Variants in TAT observed in about 807,000 individuals in gnomAD.
TAT encodes the protein tyrosine aminotransferase.
In TAT, 35 loss-of-function variants were observed where a neutral mutation model predicts 53.6. The ratio of observed to expected loss-of-function variants is 0.65; its 90% CI spans 0.50 to 0.87. The LOEUF is 0.87. TAT is among the 40% of genes least tolerant of loss of function. The pLI, the probability that TAT is intolerant of heterozygous loss-of-function variation, is 0.00. For synonymous variants in TAT, 197 were observed against 206.5 expected (o/e 0.95, Z 0.39); for missense variants, 525 against 571.8 (o/e 0.92, Z 0.83).
At chr16:71,570,955 C>A in intron 7 of TAT, 124 bp from the exon 8 acceptor site, 1 of 1,218,252 alleles carries the variant, frequency 8.2e-7, no homozygotes, top group Non-Finnish European at 1.2e-6. Flanking sequence ...GGGATCATCC[C>A]TACCCTGAAG....
At position 71,572,311 on chromosome 16, in the gene TAT, C is replaced by G; in HGVS notation, c.581G>C (p.Trp194Ser). 6.2e-7 allele frequency: 1 copy of G among 1,614,122 alleles called. No homozygotes were observed. The highest frequency in any genetic ancestry group is 8.5e-7 in the Non-Finnish European group (1 of 1,180,026). ...KLYNLLPEKS[W>S]EIDLKQLEYL... ...TTCCAGTTGTTTCAGGTCAATTTCC[C>G]AAGATTTCTCTGGCTGGAGAGAAAG... is the stretch of plus-strand genomic sequence containing the variant. Residue 194 changes from tryptophan (W) to serine (S), a missense_variant, in exon 6 of 12, where the codon TGG (tryptophan) becomes TCG (serine). Coordinates refer to ENST00000355962, the MANE Select transcript of TAT (RefSeq NM_000353.3).
At chr16:71,575,248 C>T (rs1266635604) in intron 3 of TAT, 3 of 152,542 alleles carry the variant, frequency 2.0e-5, no homozygotes, top group African/African-American at 7.3e-5. Context: ...TCTATGTACA[C>T]ATAAGGAAAA....
intron 4 of TAT, 137 bp downstream of exon 4, chr16:71,573,402 A>T: frequency 2.6e-6 from 2 of 778,652 alleles, no homozygotes; most frequent in Non-Finnish European, 4.5e-6. Context: ...CTATATGAGA[A>T]GTCTTCTAAT....
chr16:71,576,382 C>T lies in TAT; in HGVS notation c.34G>A (p.Gly12Ser). The T allele has an allele frequency of 6.2e-7, 1 of 1,614,174 alleles. No individual in the cohort carries two copies. Residue 12 changes from glycine to serine, a missense_variant, in exon 2 of 12, where the codon GGC becomes AGC. Transcript: ENST00000355962. The part of the protein sequence containing the change: ...DPYMIQMSSK[G>S]NLPSILDVHV... ...ACGTCCAGAATTGAGGGGAGGTTGC[C>T]TTTGCTGCTCATCTGAATCATGTAT...
Position 71,570,721 on chromosome 16 carries a change from G to A in TAT, c.870C>T (p.Gly290=). The change falls in exon 8 of 12, where the codon GGC becomes GGT. Residue 290 remains glycine, a synonymous_variant. Transcript: ENST00000355962. ...KRWLVPGWRL[G]WILIHDRRDI... ...CTCTTCGGTCATGAATGAGGATCCAGCCCAACCTCCAGCCAGGAACCAGCC... is the reference window on the plus strand; with the variant it reads ...CTCTTCGGTCATGAATGAGGATCCAACCCAACCTCCAGCCAGGAACCAGCC... The A allele has an allele frequency of 1.2e-6, 2 of 1,614,152 alleles. No individual in the cohort carries two copies. Among genetic ancestry groups the A allele is most frequent in the South Asian group, 2.2e-5 (2 of 91,082 alleles).
At chr16:71,569,488 C>T (rs2044185854) in intron 10 of TAT, among the ~76,000 whole-genome samples, 1 of 152,148 alleles carries the variant, frequency 6.6e-6, no homozygotes. Context: ...AGGAGTGTGC[C>T]ACCACGCCCA....
At chr16:71,569,738 A>T in intron 10 of TAT, 116 bp downstream of exon 10, 2 of 948,740 alleles carry the variant, frequency 2.1e-6, no homozygotes, top group Non-Finnish European at 3.3e-6. Context: ...TGCTTGGCTT[A>T]GGAGGCCAGC....
At chr16:71,568,929 A>C (rs1597052528) in intron 10 of TAT, 120 bp from the exon 11 acceptor site, 1 of 733,948 alleles carries the variant, frequency 1.4e-6, no homozygotes, top group South Asian at 1.5e-5. Context: ...GCTACTGATC[A>C]CTGATAAATA....
rs989647978 is a variant in TAT at position 71,566,255 on chromosome 16, T to G, written c.*1889A>C. The G allele has an allele frequency of 3.9e-5, 6 of 152,190 alleles. No individual in the cohort carries two copies. The highest frequency in any genetic ancestry group is 3.9e-4 in the Admixed American group (6 of 15,280). The allele number at this position is 152,190 out of a possible 1,614,324, so 9.4% of individuals were successfully genotyped here. A position where few individuals can be genotyped will look rare whatever the true frequency, so the allele number is the denominator to read the frequency against. On this transcript the variant is annotated 3_prime_UTR_variant, in exon 12 of 12. Coordinates refer to ENST00000355962, the MANE Select transcript of TAT (RefSeq NM_000353.3). ...CAAATTGAAAGGGAACATATGCTGT[T>G]TATTTTTGTGAAGGACATTAATTGG...
chr16:71,570,087 G>T, intron 9 of TAT, 150 bp from the exon 10 acceptor site: 1 of 1,343,642 alleles, frequency 7.4e-7, no homozygotes, highest in Non-Finnish European at 1.0e-6. Context: ...ATTACTTGAA[G>T]CTTTTCACCA....
At position 71,570,823 on chromosome 16, in the gene TAT, C is replaced by T. The variant is rs751749238; in HGVS notation, c.768G>A (p.Ser256=). 24 of 1,613,850 alleles carry T rather than the reference C, an allele frequency of 1.5e-5. No individual in the cohort carries two copies. The Middle Eastern group carries it at 9.9e-4, about 66-fold the overall frequency. The change falls in exon 8 of 12, where the codon TCG becomes TCA. Residue 256 remains serine (S), a synonymous_variant. Transcript: ENST00000355962. The part of the protein sequence containing the change: ...ADEIYGDMVF[S]DCKYEPLATL... ...TGGCCAGTGGTTCATATTTGCAATC[C>T]GAAAACACCTGAGAAGAGGCACTTG...
chr16:71,571,616 T>C lies in TAT; in HGVS notation c.749A>G (p.Tyr250Cys). The change falls in exon 7 of 12, where the codon TAT becomes TGT. Residue 250 changes from tyrosine (Y) to cysteine (C), a missense_variant. By Grantham distance (194) the Tyr-to-Cys change is radical. Coordinates refer to ENST00000355962, the MANE Select transcript of TAT (RefSeq NM_000353.3). ...CTGATCAAGACTCACCATGTCTCCA[T>C]AGATCTCATCAGCTAAGATGGGGAC... is the stretch of plus-strand genomic sequence containing the variant. ...QCVPILADEIYGDMVFSDCKY... is the reference protein window; with the variant it reads ...QCVPILADEICGDMVFSDCKY... 6.2e-7 allele frequency: 1 copy of C among 1,614,088 alleles called. No individual in the cohort carries two copies. The highest frequency in any genetic ancestry group is 8.5e-7 in the Non-Finnish European group (1 of 1,179,924).
chr16:71,568,506 C>A lies in TAT; in HGVS notation c.1224+205G>T, dbSNP rs193180659. 30 of 688,224 alleles carry A rather than the reference C, an allele frequency of 4.4e-5. No homozygotes were observed. The African/African-American group carries it at 4.6e-4, about 11-fold the overall frequency. 42.6% of individuals were successfully genotyped at this position (688,224 alleles called of 1,614,324 possible). A position where few individuals can be genotyped will look rare whatever the true frequency, so the allele number is the denominator to read the frequency against. On this transcript the variant is annotated intron_variant, in intron 11 of 11. Coordinates refer to ENST00000355962, the MANE Select transcript of TAT (RefSeq NM_000353.3). ...TCCTCTCACCTAGAACGTTTGTTTA[C>A]AACTTTTCTTCCCAGTATGGATGGG... is the stretch of plus-strand genomic sequence containing the variant.
At chr16:71,570,129 G>T in intron 9 of TAT, 140 bp downstream of exon 9, 2 of 1,430,776 alleles carry the variant, frequency 1.4e-6, no homozygotes, top group African/African-American at 1.4e-5. Context: ...AGTGAGAAAC[G>T]TGTGTGTGGA....
rs778148520 is a variant in TAT, at chr16:71,576,022, G to A, written c.240C>T (p.Asp80=). 3.1e-6 allele frequency: 5 copies of A among 1,614,022 alleles called. No individual in the cohort carries two copies. Among genetic ancestry groups the A allele is most frequent in the Admixed American group, 1.7e-5 (1 of 59,998 alleles). The change falls in exon 3 of 12, where the codon GAC becomes GAT. Residue 80 remains aspartate, a synonymous_variant. Transcript: ENST00000355962. ...NKTMISLSIG[D]PTVFGNLPTD... is the part of the protein sequence containing the mutation. ...TAGGCAGGTTTCCAAACACAGTAGG[G>A]TCCCCTTTTTATGGGAGGAAAACAC...
chr16:71,567,985 T>G lies in TAT; in HGVS notation c.*159A>C. ...TGAATGAGGAGGATCTGAGTGTGGG[T>G]GTGGTTGTACTTGGGGAAAAGCAGG... On this transcript the variant is annotated 3_prime_UTR_variant, in exon 12 of 12. Coordinates refer to ENST00000355962, the MANE Select transcript of TAT (RefSeq NM_000353.3). 1 of 769,780 alleles carries G rather than the reference T, an allele frequency of 1.3e-6. No homozygotes were observed. The allele number at this position is 769,780 out of a possible 1,614,324, so 47.7% of individuals were successfully genotyped here. A position where few individuals can be genotyped will look rare whatever the true frequency, so the allele number is the denominator to read the frequency against.
In TAT at chr16:71,566,144, CT is replaced by C. The variant is rs748452641; in HGVS notation, c.*1999del. ...GCGGTGGCATACGGGAAACTGAAAT[CT>C]TTATCTAATCTCATCCTTTGTATAT... On this transcript the variant is annotated 3_prime_UTR_variant, in exon 12 of 12. Coordinates refer to ENST00000355962, the MANE Select transcript of TAT (RefSeq NM_000353.3). 6.6e-6 allele frequency: 1 copy of C among 152,146 alleles called. No homozygotes were observed. The allele number at this position is 152,146 out of a possible 1,614,324, so 9.4% of individuals were successfully genotyped here.
intron 3 of TAT, chr16:71,575,284 G>C (rs1349138264): frequency 6.5e-6 from 1 of 153,404 alleles, no homozygotes; most frequent in African/African-American, 2.4e-5. Context: ...GAAAGTCAAG[G>C]AATCATGTAC....
Position 71,567,849 on chromosome 16 carries a change from T to G in TAT, c.*295A>C, listed in dbSNP as rs867027496. Reference sequence around the variant, plus strand: ...TGTCTCAACTGCTTTCTGGTAAACTTTGTTCACCTGGTACTTTCAAGAAAA... The same window carrying G: ...TGTCTCAACTGCTTTCTGGTAAACTGTGTTCACCTGGTACTTTCAAGAAAA... On this transcript the variant is annotated 3_prime_UTR_variant, in exon 12 of 12. Transcript: ENST00000355962. 9.9e-6 allele frequency: 4 copies of G among 403,952 alleles called. No individual in the cohort carries two copies. The highest frequency in any genetic ancestry group is 7.4e-4 in the Middle Eastern group (1 of 1,350). 25.0% of individuals were successfully genotyped at this position (403,952 alleles called of 1,614,324 possible).
Sources: gnomAD v4.1 joint callset for allele counts (sites outside exome capture counted in the v4.1 genomes callset) on GRCh38, gnomAD v4.1.1 for gene constraint, MANE v1.5 for transcripts, NCBI Gene and HGNC (gene_info 2026-07-23, HGNC 2026-07-21) for gene names.